The following NTN4 variants were observed in gnomAD, a reference collection of about 807,000 sequenced individuals.
NTN4 encodes netrin-4.
Under a neutral mutation model 73.6 loss-of-function variants are expected in NTN4, and 32 were observed. The observed-to-expected ratio is 0.44, with a 90% CI of 0.33 to 0.58. The LOEUF (loss-of-function observed/expected upper bound fraction) is 0.58, where lower values mean the gene tolerates loss of function less well. Among genes scored for constraint, NTN4 ranks in the 20% least tolerant of loss-of-function variants. The pLI is 0.04. For missense variants in NTN4, 654 were observed against 798.3 expected, an observed-to-expected ratio of 0.82 and a Z score of 2.18; for synonymous variants, 258 against 287.5, an observed-to-expected ratio of 0.90 and a Z score of 1.04.
chr12:95,749,878 C>T (rs1365734644), intron 2 of NTN4, among the ~76,000 whole-genome samples: 1 of 149,682 alleles, frequency 6.7e-6, no homozygotes, highest in Non-Finnish European at 1.5e-5. Context: ...GGGAGAGGGG[C>T]AAGTACCCCT....
At chr12:95,731,066 C>A (rs2078733520) in intron 3 of NTN4, among the ~76,000 whole-genome samples, 1 of 152,146 alleles carries the variant, frequency 6.6e-6, no homozygotes, top group Non-Finnish European at 1.5e-5. Flanking sequence ...TGTAGAATAT[C>A]CAAAGTTTTT....
chr12:95,776,804 C>G (rs1188284630), intron 2 of NTN4, among the ~76,000 whole-genome samples: 1 of 152,126 alleles, frequency 6.6e-6, no homozygotes, highest in African/African-American at 2.4e-5. Flanking sequence ...TCAGGAAATA[C>G]AGAGAACACC....
intron 5 of NTN4, among the ~76,000 whole-genome samples, chr12:95,709,376 A>G (rs1442401631): frequency 1.3e-5 from 2 of 152,222 alleles, no homozygotes; most frequent in African/African-American, 4.8e-5. Flanking sequence ...TGAGCTATTC[A>G]TCCACAGTTG....
chr12:95,716,064 T>C (rs554171319), intron 3 of NTN4, among the ~76,000 whole-genome samples: 38 of 142,676 alleles, frequency 2.7e-4, no homozygotes, highest in African/African-American at 9.1e-4. Context: ...TTTGTAATTA[T>C]CTAAATCCTA....
chr12:95,783,575 A>C (rs2079147361), intron 2 of NTN4, among the ~76,000 whole-genome samples: 1 of 152,228 alleles, frequency 6.6e-6, no homozygotes, highest in Non-Finnish European at 1.5e-5. Flanking sequence ...CCCCACCAGT[A>C]GTTCTTGAGG....
At chr12:95,741,467 A>ATATATATC (rs2078825924) in intron 2 of NTN4, among the ~76,000 whole-genome samples, 4 of 108,688 alleles carry the variant, frequency 3.7e-5, no homozygotes, top group African/African-American at 1.4e-4. Flanking sequence ...ATATATATAT[A>ATATATATC]TATATATCTC....
chr12:95,779,556 A>G (rs1385036164), intron 2 of NTN4, among the ~76,000 whole-genome samples: 1 of 152,176 alleles, frequency 6.6e-6, no homozygotes, highest in East Asian at 1.9e-4. Context: ...CCCATTCACA[A>G]TTGTTTCAAA....
chr12:95,790,917 C>T (rs968281608), upstream of NTN4, among the ~76,000 whole-genome samples: 168 of 115,600 alleles, frequency 1.5e-3, no homozygotes, highest in African/African-American at 5.0e-3. The surrounding 1 kb of genome is among the most constrained non-coding windows in gnomAD (Gnocchi z 6.5). Context: ...ATCGCCGCTG[C>T]CGCTGCCGCC....
At chr12:95,741,212 GC>G (rs200665104) in intron 2 of NTN4, among the ~76,000 whole-genome samples, 1,802 of 151,370 alleles carry the variant, frequency 0.012, 28 homozygotes, top group Middle Eastern at 0.034. Context: ...CCCAAGGGAT[GC>G]CTGAAACTGC....
At chr12:95,729,358 T>C (rs1020392235) in intron 3 of NTN4, among the ~76,000 whole-genome samples, 2 of 152,046 alleles carry the variant, frequency 1.3e-5, no homozygotes, top group Non-Finnish European at 2.9e-5. Context: ...GGAAAAGAGC[T>C]AAAAAGATGC....
intron 5 of NTN4, among the ~76,000 whole-genome samples, chr12:95,701,270 CAGTG>C (rs1565889320): frequency 6.6e-6 from 1 of 152,190 alleles, no homozygotes; most frequent in African/African-American, 2.4e-5. Context: ...CCTCAGTACA[CAGTG>C]AGAATTACAT....
At chr12:95,738,416 G>A (rs2078798041) in intron 2 of NTN4, among the ~76,000 whole-genome samples, 1 of 152,210 alleles carries the variant, frequency 6.6e-6, no homozygotes, top group Admixed American at 6.5e-5. Flanking sequence ...GATCTTGCCA[G>A]GAAGAGCATT....
chr12:95,756,440 C>T lies in NTN4; in HGVS notation c.586-18296G>A, dbSNP rs73379049. 1.3e-3 allele frequency among the ~76,000 whole-genome samples: 193 copies of T among 152,230 alleles called. 2 individuals carry two copies. The highest frequency in any genetic ancestry group is 4.3e-3 in the African/African-American group (179 of 41,542). ...TTATAAATAAGATTGATTGGTGTGT[C>T]GCTTTTTGTTGGGAACCTGCCTTGT... On this transcript the variant is annotated intron_variant, in intron 2 of 9. Coordinates refer to ENST00000343702, the MANE Select transcript of NTN4 (RefSeq NM_021229.4).
intron 7 of NTN4, among the ~76,000 whole-genome samples, chr12:95,674,813 G>T (rs1475424988): frequency 6.6e-6 from 1 of 152,200 alleles, no homozygotes; most frequent in Non-Finnish European, 1.5e-5. Flanking sequence ...TCATCCAGAT[G>T]AATTTCAGAG....
intron 5 of NTN4, among the ~76,000 whole-genome samples, chr12:95,690,836 T>C (rs1356763301): frequency 1.3e-5 from 2 of 152,232 alleles, no homozygotes; most frequent in Non-Finnish European, 2.9e-5. Context: ...CCTTCTATGG[T>C]AATATATGGT....
At position 95,704,538 on chromosome 12, in the gene NTN4, G is replaced by C. The variant is rs1042813680; in HGVS notation, c.1180+5903C>G. Among the ~76,000 whole-genome samples the C allele has an allele frequency of 2.0e-5, 3 of 152,134 alleles. No homozygotes were observed. The East Asian group carries it at 5.8e-4, about 29-fold the overall frequency. On this transcript the variant is annotated intron_variant, in intron 5 of 9. Coordinates refer to ENST00000343702, the MANE Select transcript of NTN4 (RefSeq NM_021229.4). ...AGCAGTGACAAAGAGGTGACATAGG[G>C]ATACATCTACTAAGGAGGGAATTAA... is the stretch of plus-strand genomic sequence containing the variant.
At chr12:95,727,725 G>T (rs2078705212) in intron 3 of NTN4, among the ~76,000 whole-genome samples, 1 of 152,134 alleles carries the variant, frequency 6.6e-6, no homozygotes, top group South Asian at 2.1e-4. Context: ...TTTGAAATTG[G>T]AAAGTGTGAG....
intron 5 of NTN4, among the ~76,000 whole-genome samples, chr12:95,686,757 C>CA (rs536844767): frequency 0.19 from 18,781 of 100,364 alleles, 1,679 homozygotes; most frequent in African/African-American, 0.34. Context: ...GACTCTGTCT[C>CA]AAAAAAAAAA....
At chr12:95,724,030 T>C (rs1379397198) in intron 3 of NTN4, among the ~76,000 whole-genome samples, 1 of 152,202 alleles carries the variant, frequency 6.6e-6, no homozygotes. Context: ...AGAGTTTTTT[T>C]TTTAAATCAA....
Sources: gnomAD v4.1 joint callset for allele counts (sites outside exome capture counted in the v4.1 genomes callset) on GRCh38, gnomAD v4.1.1 for gene constraint, Gnocchi (gnomAD v3.1) non-coding constraint, MANE v1.5 for transcripts, NCBI Gene and HGNC (gene_info 2026-07-23, HGNC 2026-07-21) for gene names.